SPDEF: variants seen among roughly 807,000 people sequenced by gnomAD.
SPDEF encodes SAM pointed domain containing ETS transcription factor.
SPDEF carries 12 observed loss-of-function variants against 36.0 expected under a neutral mutation model. The ratio of observed to expected loss-of-function variants is 0.33; its 90% CI spans 0.21 to 0.54. SPDEF has a LOEUF of 0.54. SPDEF is among the 20% of genes least tolerant of loss of function. SPDEF has a pLI of 0.93. For missense variants in SPDEF, 388 were observed against 456.9 expected (o/e 0.85, Z 1.37); for synonymous variants, 205 against 193.0 (o/e 1.06, Z -0.51).
Position 34,539,603 on chromosome 6 carries a change from C to A in SPDEF, c.635-41G>T. ...AGGGGGTTGGGGACCCAGGAGAGGC[C>A]CCGAGGGTGGAGGAGGGGAGGCGTT... On this transcript the variant is annotated intron_variant, in intron 3 of 5. Coordinates refer to ENST00000374037, the MANE Select transcript of SPDEF (RefSeq NM_012391.3). This position sits in a 1 kb window ranked among gnomAD's most constrained non-coding sequence, Gnocchi z 5.2. 1 of 1,551,914 alleles carries A rather than the reference C, an allele frequency of 6.4e-7. No homozygotes were observed. The highest frequency in any genetic ancestry group is 2.4e-5 in the East Asian group (1 of 41,238).
rs375170855 is a variant in SPDEF at position 34,541,073 on chromosome 6, T to C, written c.545A>G (p.Glu182Gly). 4 of 1,612,162 alleles carry C rather than the reference T, an allele frequency of 2.5e-6. No individual in the cohort carries two copies. The highest frequency in any genetic ancestry group is 3.4e-6 in the Non-Finnish European group (4 of 1,179,578). Reference protein sequence around the residue: ...GKAFQELAGKELCAMSEEQFR... With the variant: ...GKAFQELAGKGLCAMSEEQFR... ...CTGCTCCTCCGACATGGCGCACAGC[T>C]CCTTGCCCGCCAGCTCCTGGAAGGC... Residue 182 changes from glutamate to glycine, a missense_variant, in exon 3 of 6, where the codon GAG becomes GGG. Physicochemically the swap from Glu to Gly is moderately conservative, Grantham distance 98 (BLOSUM62 -2). This residue lies in a region of SPDEF where 308 missense variants were observed against 326.1 expected (regional missense o/e 0.94). Coordinates refer to ENST00000374037, the MANE Select transcript of SPDEF (RefSeq NM_012391.3).
chr6:34,547,814 G>A (rs1025451200), intron 1 of SPDEF, among the ~76,000 whole-genome samples: 3 of 152,084 alleles, frequency 2.0e-5, no homozygotes, highest in Non-Finnish European at 1.5e-5. Context: ...ATACCTAAAT[G>A]CCAAGGAATC....
At chr6:34,548,675 A>C (rs1259562845) in intron 1 of SPDEF, among the ~76,000 whole-genome samples, 1 of 151,386 alleles carries the variant, frequency 6.6e-6, no homozygotes, top group Non-Finnish European at 1.5e-5. Flanking sequence ...CCAAGCTCTA[A>C]TGAGAATGGC....
At chr6:34,543,873 G>T in intron 2 of SPDEF, 147 bp downstream of exon 2, 3 of 711,664 alleles carry the variant, frequency 4.2e-6, no homozygotes, top group Non-Finnish European at 6.9e-6. Context: ...ACAGCTGACT[G>T]TGTGTAGAAG....
rs1000653997 is a variant in SPDEF, at chr6:34,544,620, G to C, written c.-29-136C>G. On this transcript the variant is annotated intron_variant, in intron 1 of 5. Coordinates refer to ENST00000374037, the MANE Select transcript of SPDEF (RefSeq NM_012391.3). This position sits in a 1 kb window ranked among gnomAD's most constrained non-coding sequence, Gnocchi z 4.4. Reference sequence around the variant, plus strand: ...AGAGTTGGGGGCTTCCGGGTCATTGGGCAGCCACGACATGGTTGGGCAGAC... The same window carrying C: ...AGAGTTGGGGGCTTCCGGGTCATTGCGCAGCCACGACATGGTTGGGCAGAC... The C allele has an allele frequency of 1.7e-5, 11 of 658,172 alleles. No individual in the cohort carries two copies. In the African/African-American group the frequency reaches 1.8e-4, roughly 11 times the overall value. The allele number at this position is 658,172 out of a possible 1,614,324, so 40.8% of individuals were successfully genotyped here.
In SPDEF at chr6:34,555,966, A is replaced by C. The variant is rs1316495149; in HGVS notation, c.-67T>G. 1 of 152,160 alleles carries C rather than the reference A, an allele frequency of 6.6e-6. No individual in the cohort carries two copies. 9.4% of individuals were successfully genotyped at this position (152,160 alleles called of 1,614,324 possible). A position where few individuals can be genotyped will look rare whatever the true frequency, so the allele number is the denominator to read the frequency against. On this transcript the variant is annotated 5_prime_UTR_variant, in exon 1 of 6. Coordinates refer to ENST00000374037, the MANE Select transcript of SPDEF (RefSeq NM_012391.3). This position sits in a 1 kb window ranked among gnomAD's most constrained non-coding sequence, Gnocchi z 5.2. ...TGGTGCCCAGGGAGCTGTCTGCTGC[A>C]GTGCCAACTTCAGGGGCCGGGAAGA...
Position 34,544,273 on chromosome 6 carries a change from G to A in SPDEF, c.183C>T (p.Ser61=). 1.2e-6 allele frequency: 2 copies of A among 1,613,636 alleles called. No homozygotes were observed. Among genetic ancestry groups the A allele is most frequent in the South Asian group, 2.2e-5 (2 of 91,084 alleles). The change falls in exon 2 of 6, where the codon TCC becomes TCT. Residue 61 remains serine, a synonymous_variant. Coordinates refer to ENST00000374037, the MANE Select transcript of SPDEF (RefSeq NM_012391.3). The surrounding 1 kb of genome is among the most constrained non-coding windows in gnomAD (Gnocchi z 4.4). ...CCTCAGGGTACAGCATGTCAAAGTA[G>A]GAGAGGTAGAAGGCGGACAGGCCCT... ...PEQGLSAFYL[S]YFDMLYPEDS... is the part of the protein sequence containing the mutation.
intron 1 of SPDEF, among the ~76,000 whole-genome samples, chr6:34,553,927 G>A (rs1168241233): frequency 1.0e-3 from 14 of 13,774 alleles, no homozygotes; most frequent in African/African-American, 3.0e-3. Flanking sequence ...CCCCGCACCC[G>A]CCACCACCCC....
chr6:34,545,705 T>C (rs1252092528), intron 1 of SPDEF, among the ~76,000 whole-genome samples: 1 of 151,082 alleles, frequency 6.6e-6, no homozygotes, highest in African/African-American at 2.4e-5. Context: ...AGGCCAGGAG[T>C]TCGAGACCAG....
intron 1 of SPDEF, among the ~76,000 whole-genome samples, chr6:34,547,227 A>C (rs572377366): frequency 6.6e-6 from 1 of 152,094 alleles, no homozygotes; most frequent in South Asian, 2.1e-4. Context: ...TGTTTCAGGC[A>C]TGGTTGTGTG....
Position 34,544,486 on chromosome 6 carries a change from T to C in SPDEF, c.-29-2A>G, listed in dbSNP as rs1156459816. On this transcript the variant is annotated splice_acceptor_variant, in intron 1 of 5. Coordinates refer to ENST00000374037, the MANE Select transcript of SPDEF (RefSeq NM_012391.3). LOFTEE classifies it low-confidence loss of function (5UTR_SPLICE). The surrounding 1 kb of genome is among the most constrained non-coding windows in gnomAD (Gnocchi z 4.4). ...TGCTGTTTGGGCTGGCGGCTGTGTCTACGGAAATGAAAGAGGACTCAGGTT... is the reference window on the plus strand; with the variant it reads ...TGCTGTTTGGGCTGGCGGCTGTGTCCACGGAAATGAAAGAGGACTCAGGTT... 10 of 1,503,922 alleles carry C rather than the reference T, an allele frequency of 6.6e-6. No individual in the cohort carries two copies. In the East Asian group the frequency reaches 9.2e-5, roughly 14 times the overall value. The allele number at this position is 1,503,922 out of a possible 1,614,324, so 93.2% of individuals were successfully genotyped here.
In SPDEF at chr6:34,538,223, C is replaced by T. The variant is rs371977470; in HGVS notation, c.*51G>A. ...ATCTCAGGGCCTGGCTGAGGCAGGG[C>T]AGGCAGGAGAGAGGCCCCTGAGGGC... On this transcript the variant is annotated 3_prime_UTR_variant, in exon 6 of 6. Transcript: ENST00000374037. The surrounding 1 kb of genome is among the most constrained non-coding windows in gnomAD (Gnocchi z 5.9). 9.6e-6 allele frequency: 15 copies of T among 1,568,512 alleles called. No individual in the cohort carries two copies. The African/African-American group carries it at 1.8e-4, about 18-fold the overall frequency.
At chr6:34,542,136 T>A (rs999750749) in intron 2 of SPDEF, among the ~76,000 whole-genome samples, 18 of 152,088 alleles carry the variant, frequency 1.2e-4, no homozygotes, top group African/African-American at 4.1e-4. Context: ...TTGGGAAACT[T>A]GGGGCATCGG....
chr6:34,547,144 G>A (rs893877200), intron 1 of SPDEF, among the ~76,000 whole-genome samples: 1 of 152,124 alleles, frequency 6.6e-6, no homozygotes, highest in South Asian at 2.1e-4. Flanking sequence ...TTTCCAAGAA[G>A]CAGAACTCGC....
At position 34,538,261 on chromosome 6, in the gene SPDEF, C is replaced by G; in HGVS notation, c.*13G>C. On this transcript the variant is annotated 3_prime_UTR_variant, in exon 6 of 6. Coordinates refer to ENST00000374037, the MANE Select transcript of SPDEF (RefSeq NM_012391.3). This position sits in a 1 kb window ranked among gnomAD's most constrained non-coding sequence, Gnocchi z 5.9. ...GGCCCCTGAGGGCGGGTTTCAGGCC[C>G]TGGGCCAGGCACTCAGATGGGGTGC... is the stretch of plus-strand genomic sequence containing the variant. The G allele has an allele frequency of 1.9e-6, 3 of 1,610,552 alleles. No homozygotes were observed. Among genetic ancestry groups the G allele is most frequent in the Non-Finnish European group, 2.5e-6 (3 of 1,177,572 alleles).
At chr6:34,554,783 TGCCC>T (rs1768131001) in intron 1 of SPDEF, among the ~76,000 whole-genome samples, 1 of 152,218 alleles carries the variant, frequency 6.6e-6, no homozygotes, top group Non-Finnish European at 1.5e-5. Flanking sequence ...TCCCCATCCC[TGCCC>T]ACCAGCTTGG....
Position 34,544,595 on chromosome 6 carries a change from A to G in SPDEF, c.-29-111T>C. 1.1e-6 allele frequency: 1 copy of G among 877,480 alleles called. No homozygotes were observed. The highest frequency in any genetic ancestry group is 1.7e-5 in the African/African-American group (1 of 58,520). 54.4% of individuals were successfully genotyped at this position (877,480 alleles called of 1,614,324 possible). The stretch of plus-strand genomic sequence containing the variant: ...GTGGACAGTGGGCTGGGCCTGGGAC[A>G]GAGTTGGGGGCTTCCGGGTCATTGG... On this transcript the variant is annotated intron_variant, in intron 1 of 5. Transcript: ENST00000374037. This position sits in a 1 kb window ranked among gnomAD's most constrained non-coding sequence, Gnocchi z 4.4.
chr6:34,543,317 T>C (rs1234418809), intron 2 of SPDEF, among the ~76,000 whole-genome samples: 1 of 151,694 alleles, frequency 6.6e-6, no homozygotes, highest in Admixed American at 6.6e-5. Flanking sequence ...TGGGGATGGA[T>C]TGATGAGCAA....
rs543298762 is a variant in SPDEF, at chr6:34,548,031, T to A, written c.-29-3547A>T. Among the ~76,000 whole-genome samples the A allele has an allele frequency of 2.6e-5, 4 of 152,252 alleles. No individual in the cohort carries two copies. In the South Asian group the frequency reaches 8.3e-4, roughly 32 times the overall value. On this transcript the variant is annotated intron_variant, in intron 1 of 5. Coordinates refer to ENST00000374037, the MANE Select transcript of SPDEF (RefSeq NM_012391.3). ...AGGGCTGGTGTGCCCAACCTGCAAC[T>A]AGGCGTCTCAAGGTTCTGGGCTGGC...
Sources: allele counts gnomAD v4.1 joint callset (sites outside exome capture counted in the v4.1 genomes callset), GRCh38; gene constraint gnomAD v4.1.1; regional missense constraint gnomAD v4.1.1; non-coding constraint Gnocchi (gnomAD v3.1); transcripts MANE v1.5; gene names NCBI Gene and HGNC (gene_info 2026-07-23, HGNC 2026-07-21).